EXOC6B: variants seen among roughly 807,000 people sequenced by gnomAD.
EXOC6B encodes the protein SEC15 homolog B.
EXOC6B carries 54 observed loss-of-function variants against 113.5 expected under a neutral mutation model. The observed-to-expected ratio is 0.48, with a 90% CI of 0.38 to 0.60. EXOC6B has a LOEUF of 0.60. Ranked by LOEUF, EXOC6B falls within the 20% of genes least tolerant of loss-of-function variation. EXOC6B has a pLI of 0.00. For synonymous variants in EXOC6B, 357 were observed against 339.0 expected (o/e 1.05, Z -0.58); for missense variants, 797 against 977.5 (o/e 0.82, Z 2.46).
At chr2:72,450,816 C>G (rs1248625050) in intron 18 of EXOC6B, among the ~76,000 whole-genome samples, 1 of 152,150 alleles carries the variant, frequency 6.6e-6, no homozygotes, top group Admixed American at 6.5e-5. Flanking sequence ...AACATTAGAG[C>G]TAGACTAGGA....
chr2:72,565,172 G>A (rs7609027), intron 7 of EXOC6B, among the ~76,000 whole-genome samples: 2,735 of 151,796 alleles, frequency 0.018, 43 homozygotes, highest in Middle Eastern at 0.041. Flanking sequence ...GCAACATGAC[G>A]AAACCCATCT....
At chr2:72,627,015 AGGGT>A (rs1261537249) in intron 6 of EXOC6B, among the ~76,000 whole-genome samples, 2 of 152,110 alleles carry the variant, frequency 1.3e-5, no homozygotes, top group South Asian at 2.1e-4. Context: ...TCTATTGCAG[AGGGT>A]GGGTGGGTTG....
intron 8 of EXOC6B, among the ~76,000 whole-genome samples, chr2:72,535,714 T>C (rs950816474): frequency 6.6e-6 from 1 of 151,666 alleles, no homozygotes; most frequent in Non-Finnish European, 1.5e-5. Context: ...TCTCTACTTA[T>C]ACAAAATTGG....
At chr2:72,476,555 A>G (rs1389982775) in intron 17 of EXOC6B, among the ~76,000 whole-genome samples, 1 of 152,148 alleles carries the variant, frequency 6.6e-6, no homozygotes, top group Admixed American at 6.5e-5. Flanking sequence ...TAGGAATTCA[A>G]TTCCTCTCAT....
chr2:72,308,768 C>T (rs560571333), intron 20 of EXOC6B, among the ~76,000 whole-genome samples: 1 of 152,182 alleles, frequency 6.6e-6, no homozygotes, highest in Admixed American at 6.5e-5. Flanking sequence ...GATATCCCAA[C>T]ATTATGACAT....
At chr2:72,309,450 G>A (rs1424331360) in intron 20 of EXOC6B, among the ~76,000 whole-genome samples, 1 of 152,030 alleles carries the variant, frequency 6.6e-6, no homozygotes, top group Non-Finnish European at 1.5e-5. Flanking sequence ...AAAACAAGAA[G>A]ACACTAAATC....
At chr2:72,443,683 C>T (rs1335809380) in intron 18 of EXOC6B, among the ~76,000 whole-genome samples, 6 of 152,124 alleles carry the variant, frequency 3.9e-5, no homozygotes, top group East Asian at 1.9e-4. Flanking sequence ...TCTTACATAC[C>T]GGCAGACAAG....
intron 7 of EXOC6B, among the ~76,000 whole-genome samples, chr2:72,563,969 T>C (rs952996409): frequency 1.3e-5 from 2 of 152,164 alleles, no homozygotes; most frequent in Non-Finnish European, 2.9e-5. Flanking sequence ...TCAGAGTTCA[T>C]AAATATTTTC....
chr2:72,696,222 GATTAT>G (rs1308680151), intron 6 of EXOC6B, among the ~76,000 whole-genome samples: 1 of 152,136 alleles, frequency 6.6e-6, no homozygotes, highest in African/African-American at 2.4e-5. Flanking sequence ...CTATATTGCA[GATTAT>G]AGGTGCTCAG....
chr2:72,183,878 G>A (rs760953823), intron 21 of EXOC6B, among the ~76,000 whole-genome samples, 197 bp downstream of exon 21: 5 of 152,150 alleles, frequency 3.3e-5, no homozygotes, highest in Non-Finnish European at 7.3e-5. Flanking sequence ...TGGGGGCTCA[G>A]GAATTAATAA....
intron 19 of EXOC6B, among the ~76,000 whole-genome samples, chr2:72,351,145 C>T (rs1214033497): frequency 2.0e-5 from 3 of 151,938 alleles, no homozygotes; most frequent in South Asian, 4.2e-4. Context: ...AGTGAGGAGA[C>T]CTGAAATTCT....
chr2:72,576,461 G>T (rs896315102), intron 6 of EXOC6B, among the ~76,000 whole-genome samples: 6 of 152,022 alleles, frequency 3.9e-5, no homozygotes, highest in Admixed American at 2.6e-4. Flanking sequence ...GAGCTAGAAG[G>T]TACCTTAATT....
At chr2:72,323,783 A>T (rs1165103516) in intron 20 of EXOC6B, among the ~76,000 whole-genome samples, 5 of 151,758 alleles carry the variant, frequency 3.3e-5, no homozygotes, top group African/African-American at 1.2e-4. Context: ...GGAGCTGAAC[A>T]ATGAGAAGAC....
intron 20 of EXOC6B, among the ~76,000 whole-genome samples, chr2:72,266,972 G>A (rs368261520): frequency 7.8e-4 from 119 of 152,052 alleles, no homozygotes; most frequent in African/African-American, 2.7e-3. Context: ...GGTCCTTCAC[G>A]TCCCTTTTAA....
intron 20 of EXOC6B, among the ~76,000 whole-genome samples, chr2:72,226,831 A>G (rs1336398848): frequency 6.6e-6 from 1 of 152,182 alleles, no homozygotes; most frequent in Non-Finnish European, 1.5e-5. Context: ...GTGAACAGCC[A>G]AGTGGTGATT....
chr2:72,293,221 T>C (rs909414893), intron 20 of EXOC6B, among the ~76,000 whole-genome samples: 5 of 152,144 alleles, frequency 3.3e-5, no homozygotes, highest in Admixed American at 6.5e-5. Flanking sequence ...TTGCTGTTCA[T>C]TGAGGCACAC....
chr2:72,721,535 T>C (rs1031914429), intron 5 of EXOC6B, among the ~76,000 whole-genome samples: 1 of 151,516 alleles, frequency 6.6e-6, no homozygotes, highest in Non-Finnish European at 1.5e-5. Context: ...GTTTCAATAA[T>C]GGAATTCACA....
intron 6 of EXOC6B, among the ~76,000 whole-genome samples, chr2:72,671,818 A>G (rs376014759): frequency 1.4e-5 from 2 of 147,070 alleles, no homozygotes; most frequent in East Asian, 2.0e-4. Context: ...AAAGAAAGAA[A>G]GAAGAGAAAA....
intron 18 of EXOC6B, among the ~76,000 whole-genome samples, chr2:72,397,074 A>G (rs1692777054): frequency 6.6e-6 from 1 of 152,186 alleles, no homozygotes; most frequent in Non-Finnish European, 1.5e-5. Flanking sequence ...AATTACAAAA[A>G]TTATAATTCT....
Sources: gnomAD v4.1 joint callset for allele counts (sites outside exome capture counted in the v4.1 genomes callset) on GRCh38, gnomAD v4.1.1 for gene constraint, MANE v1.5 for transcripts, NCBI Gene and HGNC (gene_info 2026-07-23, HGNC 2026-07-21) for gene names.